RASSF6: variants seen among roughly 807,000 people sequenced by gnomAD.
RASSF6 encodes the protein Ras association domain family member 6.
A neutral mutation model predicts 44.0 loss-of-function variants in RASSF6; 52 were observed. The ratio of observed to expected loss-of-function variants is 1.18; its 90% CI spans 0.95 to 1.49. The LOEUF is 1.49. Among genes scored for constraint, RASSF6 ranks in the 40% most tolerant of loss-of-function variants. RASSF6 has a pLI of 0.00. For missense variants in RASSF6, 464 were observed against 393.3 expected (o/e 1.18, Z -1.52); for synonymous variants, 162 against 124.6 (o/e 1.30, Z -2.00).
At chr4:73,606,185 T>C (rs945964498) in intron 2 of RASSF6, among the ~76,000 whole-genome samples, 7 of 152,302 alleles carry the variant, frequency 4.6e-5, no homozygotes, top group South Asian at 2.1e-4. Flanking sequence ...CTGTGCTGGA[T>C]TGGATAAAAA....
Position 73,576,033 on chromosome 4 carries a change from T to C in RASSF6, c.*202A>G. The C allele has an allele frequency of 2.3e-6, 1 of 439,304 alleles. No homozygotes were observed. The highest frequency in any genetic ancestry group is 4.0e-6 in the Non-Finnish European group (1 of 247,940). The allele number at this position is 439,304 out of a possible 1,614,324, so 27.2% of individuals were successfully genotyped here. A position where few individuals can be genotyped will look rare whatever the true frequency, so the allele number is the denominator to read the frequency against. ...TCAAGCTTATTTCAGTTACTGAAAC[T>C]AAACTCAAACTCATTTTGTCCAACT... On this transcript the variant is annotated 3_prime_UTR_variant, in exon 11 of 11. Coordinates refer to ENST00000307439, the MANE Select transcript of RASSF6 (RefSeq NM_177532.5).
chr4:73,617,103 A>G (rs1170864935), intron 1 of RASSF6, among the ~76,000 whole-genome samples: 1 of 152,214 alleles, frequency 6.6e-6, no homozygotes, highest in African/African-American at 2.4e-5. Context: ...CTATCACTTA[A>G]TTAAGTAATA....
intron 1 of RASSF6, among the ~76,000 whole-genome samples, chr4:73,612,061 T>C (rs1254679089): frequency 1.3e-5 from 2 of 152,200 alleles, no homozygotes; most frequent in Non-Finnish European, 2.9e-5. Flanking sequence ...AAGTCTGTTT[T>C]AGATATATTT....
At chr4:73,615,626 A>G (rs1200582319) in intron 1 of RASSF6, among the ~76,000 whole-genome samples, 1 of 152,238 alleles carries the variant, frequency 6.6e-6, no homozygotes, top group African/African-American at 2.4e-5. Context: ...ATTATTTAAT[A>G]AGTTTGGTTA....
At chr4:73,596,032 A>T (rs1018484818) in intron 3 of RASSF6, among the ~76,000 whole-genome samples, 3 of 152,224 alleles carry the variant, frequency 2.0e-5, no homozygotes, top group Non-Finnish European at 4.4e-5. Flanking sequence ...CTCCATCAGA[A>T]TACAAGGCTG....
Position 73,573,001 on chromosome 4 carries a change from A to G in RASSF6, c.*3234T>C, listed in dbSNP as rs577632762. The G allele has an allele frequency of 2.7e-3, 413 of 152,202 alleles. 2 individuals are homozygous for G. The highest frequency in any genetic ancestry group is 9.7e-3 in the African/African-American group (403 of 41,542). 9.4% of individuals were successfully genotyped at this position (152,202 alleles called of 1,614,324 possible). Reference sequence around the variant, plus strand: ...ATATATATGCCTTAAGTACATAATAAATATTTTGGAACATGTGTATGTGTA... The same window carrying G: ...ATATATATGCCTTAAGTACATAATAGATATTTTGGAACATGTGTATGTGTA... On this transcript the variant is annotated 3_prime_UTR_variant, in exon 11 of 11. Transcript: ENST00000307439.
chr4:73,603,048 A>C (rs1190057186), intron 2 of RASSF6, among the ~76,000 whole-genome samples: 1 of 152,170 alleles, frequency 6.6e-6, no homozygotes, highest in Non-Finnish European at 1.5e-5. Context: ...AGATTGCGCC[A>C]CTGCACTCCA....
In RASSF6 at chr4:73,571,791, A is replaced by T. The variant is rs1722934481; in HGVS notation, c.*4444T>A. ...CACATTCTTTACCATTAATAATAAT[A>T]TATATTATCTAAAATTTAATTTGAG... On this transcript the variant is annotated 3_prime_UTR_variant, in exon 11 of 11. Transcript: ENST00000307439. 6.6e-6 allele frequency: 1 copy of T among 152,082 alleles called. No homozygotes were observed. Among genetic ancestry groups the T allele is most frequent in the Admixed American group, 6.6e-5 (1 of 15,260 alleles). 9.4% of individuals were successfully genotyped at this position (152,082 alleles called of 1,614,324 possible). A position where few individuals can be genotyped will look rare whatever the true frequency, so the allele number is the denominator to read the frequency against.
intron 2 of RASSF6, among the ~76,000 whole-genome samples, chr4:73,605,493 G>A (rs1416916378): frequency 6.6e-6 from 1 of 152,156 alleles, no homozygotes; most frequent in Non-Finnish European, 1.5e-5. Context: ...ATGGCTCCAG[G>A]TCTTTTCGCT....
chr4:73,580,264 G>A (rs1367547889), intron 8 of RASSF6, among the ~76,000 whole-genome samples: 2 of 151,408 alleles, frequency 1.3e-5, no homozygotes, highest in South Asian at 2.1e-4. Context: ...TCTTAATCCA[G>A]TCTATCATTG....
intron 1 of RASSF6, among the ~76,000 whole-genome samples, chr4:73,617,864 T>A (rs945010602): frequency 6.6e-6 from 1 of 152,232 alleles, no homozygotes; most frequent in African/African-American, 2.4e-5. Flanking sequence ...TGTTTTCAAA[T>A]GGCCTATACT....
chr4:73,613,750 T>A (rs1437991428), intron 1 of RASSF6, among the ~76,000 whole-genome samples: 1 of 152,178 alleles, frequency 6.6e-6, no homozygotes, highest in Admixed American at 6.5e-5. Context: ...AGACAAACCA[T>A]GAATAACAAT....
intron 3 of RASSF6, among the ~76,000 whole-genome samples, chr4:73,595,508 T>A (rs943473804): frequency 1.3e-5 from 2 of 152,106 alleles, no homozygotes; most frequent in Non-Finnish European, 2.9e-5. Context: ...CTGAATAACT[T>A]TTGTATTATA....
Position 73,601,259 on chromosome 4 carries a change from T to G in RASSF6, c.66-2541A>C, listed in dbSNP as rs542274506. Among the ~76,000 whole-genome samples the G allele has an allele frequency of 3.9e-4, 59 of 152,364 alleles. 2 individuals are homozygous for G. Among genetic ancestry groups the G allele is most frequent in the African/African-American group, 1.4e-3 (58 of 41,584 alleles). ...TGGCAGATGGTGGTCCCAGGCTGCC[T>G]GTTTTTGTAAACAAAGTTGTATTGG... On this transcript the variant is annotated intron_variant, in intron 2 of 10. Transcript: ENST00000307439.
chr4:73,587,971 A>G, intron 4 of RASSF6, 37 bp from the exon 5 acceptor site: 1 of 1,359,892 alleles, frequency 7.4e-7, no homozygotes, highest in Non-Finnish European at 1.0e-6. Context: ...CATCAGTTCC[A>G]TTTATATTGA....
At position 73,572,562 on chromosome 4, in the gene RASSF6, C is replaced by A. The variant is rs1722974480; in HGVS notation, c.*3673G>T. ...AAAAATAAAATAAAAAGACGTAAGT[C>A]ACTAAGTCCAGCCCATTTTCAGGAT... On this transcript the variant is annotated 3_prime_UTR_variant, in exon 11 of 11. Coordinates refer to ENST00000307439, the MANE Select transcript of RASSF6 (RefSeq NM_177532.5). 1 of 152,002 alleles carries A rather than the reference C, an allele frequency of 6.6e-6. No homozygotes were observed. Among genetic ancestry groups the A allele is most frequent in the Non-Finnish European group, 1.5e-5 (1 of 68,006 alleles). 9.4% of individuals were successfully genotyped at this position (152,002 alleles called of 1,614,324 possible). A position where few individuals can be genotyped will look rare whatever the true frequency, so the allele number is the denominator to read the frequency against.
At chr4:73,577,132 C>T (rs1723287707) in intron 8 of RASSF6, among the ~76,000 whole-genome samples, 2 of 152,284 alleles carry the variant, frequency 1.3e-5, no homozygotes, top group South Asian at 2.1e-4. Flanking sequence ...AGGTCCAAAA[C>T]CATGTAATTA....
Position 73,579,753 on chromosome 4 carries a change from A to G in RASSF6, c.721+2064T>C, listed in dbSNP as rs559267779. 3.9e-5 allele frequency among the ~76,000 whole-genome samples: 6 copies of G among 152,220 alleles called. No individual in the cohort carries two copies. In the South Asian group the frequency reaches 1.0e-3, roughly 26 times the overall value. On this transcript the variant is annotated intron_variant, in intron 8 of 10. Transcript: ENST00000307439. The stretch of plus-strand genomic sequence containing the variant: ...TATCTTTTAAATTGTTACACAGTCC[A>G]GTATTGCTACCATTTATTTTATATC...
At chr4:73,585,098 T>C in intron 6 of RASSF6, 82 bp downstream of exon 6, 3 of 943,524 alleles carry the variant, frequency 3.2e-6, no homozygotes, top group South Asian at 2.1e-5. Context: ...TGACTTTAAA[T>C]TGTGAATTGA....
Sources: allele counts gnomAD v4.1 joint callset (sites outside exome capture counted in the v4.1 genomes callset), GRCh38; gene constraint gnomAD v4.1.1; transcripts MANE v1.5; gene names NCBI Gene and HGNC (gene_info 2026-07-23, HGNC 2026-07-21).